The following ATP8A2 variants were observed in gnomAD, a reference collection of about 807,000 sequenced individuals.
ATP8A2 encodes the protein ATPase phospholipid transporting 8A2.
A neutral mutation model predicts 165.6 loss-of-function variants in ATP8A2; 100 were observed. The ratio of observed to expected loss-of-function variants is 0.60; its 90% CI spans 0.51 to 0.71. The LOEUF (loss-of-function observed/expected upper bound fraction) is 0.71. Among genes scored for constraint, ATP8A2 ranks in the 30% least tolerant of loss-of-function variants. The pLI is 0.00. For synonymous variants in ATP8A2, 543 were observed against 548.8 expected, an observed-to-expected ratio of 0.99 and a Z score of 0.15; for missense variants, 1,227 against 1,479.5, an observed-to-expected ratio of 0.83 and a Z score of 2.80.
Position 25,494,469 on chromosome 13 carries a change from G to C in ATP8A2, c.221+25348G>C, listed in dbSNP as rs144437179. Among the ~76,000 whole-genome samples, 431 of 152,240 alleles carry C rather than the reference G, an allele frequency of 2.8e-3. 3 individuals are homozygous for C. Among genetic ancestry groups the C allele is most frequent in the African/African-American group, 9.8e-3 (406 of 41,544 alleles). ...TGGGAACAAAGCCATGCTGCAAAGG[G>C]TATGAAAGCCTGTTTGGCAGGGATG... On this transcript the variant is annotated intron_variant, in intron 2 of 36. Transcript: ENST00000381655.
chr13:25,984,462 A>AGT (rs1315502027), intron 35 of ATP8A2, among the ~76,000 whole-genome samples: 3 of 150,686 alleles, frequency 2.0e-5, no homozygotes, highest in African/African-American at 7.3e-5. Flanking sequence ...AAATTAGCCA[A>AGT]GTGTGGTGGT....
chr13:25,450,663 C>T (rs1468225451), intron 1 of ATP8A2, among the ~76,000 whole-genome samples: 1 of 152,122 alleles, frequency 6.6e-6, no homozygotes, highest in African/African-American at 2.4e-5. Flanking sequence ...TCCCGAGTAG[C>T]TGGGACTACA....
intron 24 of ATP8A2, among the ~76,000 whole-genome samples, chr13:25,668,796 T>G (rs137940252): frequency 6.6e-6 from 1 of 152,286 alleles, no homozygotes; most frequent in East Asian, 1.9e-4. Flanking sequence ...TGCTGAGTCT[T>G]TCTTCTGCCT....
chr13:25,773,236 T>A (rs1430292400), intron 26 of ATP8A2, among the ~76,000 whole-genome samples: 1 of 151,940 alleles, frequency 6.6e-6, no homozygotes, highest in African/African-American at 2.4e-5. Flanking sequence ...GGCATTAAGG[T>A]TTTCATGCAA....
At chr13:25,915,321 T>C (rs1417457694) in intron 33 of ATP8A2, among the ~76,000 whole-genome samples, 3 of 152,112 alleles carry the variant, frequency 2.0e-5, no homozygotes. Flanking sequence ...ATTTAAAAGA[T>C]TGTCATTTAA....
intron 2 of ATP8A2, among the ~76,000 whole-genome samples, chr13:25,499,569 A>G (rs2036786547): frequency 6.6e-6 from 1 of 152,170 alleles, no homozygotes; most frequent in African/African-American, 2.4e-5. Context: ...TTAAAGGTCA[A>G]TTGCCTGACA....
At chr13:25,824,079 T>G (rs920353036) in intron 27 of ATP8A2, among the ~76,000 whole-genome samples, 2 of 152,176 alleles carry the variant, frequency 1.3e-5, no homozygotes, top group Admixed American at 6.5e-5. Flanking sequence ...CAAGTGATTC[T>G]CCTGCCTCAG....
chr13:25,648,907 A>T, intron 24 of ATP8A2: 1 of 432,550 alleles, frequency 2.3e-6, no homozygotes. Flanking sequence ...GGAACCCATG[A>T]ATATGGCGGG....
intron 33 of ATP8A2, among the ~76,000 whole-genome samples, chr13:25,931,338 C>G (rs950320691): frequency 1.3e-5 from 2 of 152,190 alleles, no homozygotes; most frequent in Non-Finnish European, 2.9e-5. Context: ...GATGTATATG[C>G]AATTATTCCA....
rs200852097 is a variant in ATP8A2, at chr13:25,851,582, C to CA, written c.2957-8597dup. 8.9e-3 allele frequency among the ~76,000 whole-genome samples: 966 copies of CA among 108,934 alleles called. 9 individuals are homozygous for CA. Among genetic ancestry groups the CA allele is most frequent in the Middle Eastern group, 0.022 (4 of 182 alleles). The allele number at this position is 108,934 out of a possible 152,430, so 71.5% of individuals were successfully genotyped here. A position where few individuals can be genotyped will look rare whatever the true frequency, so the allele number is the denominator to read the frequency against. Reference sequence around the variant, plus strand: ...TGGGTGACAGAGTGTGACTCTGTCTCAAAAAAAAAAAAAAAATTAATGCAT... The same window carrying CA: ...TGGGTGACAGAGTGTGACTCTGTCTCAAAAAAAAAAAAAAAAATTAATGCAT... On this transcript the variant is annotated intron_variant, in intron 30 of 36. Transcript: ENST00000381655.
chr13:26,001,215 A>G (rs1044606913), intron 35 of ATP8A2, among the ~76,000 whole-genome samples: 5 of 152,206 alleles, frequency 3.3e-5, no homozygotes, highest in Admixed American at 2.0e-4. Context: ...CATCTGTACC[A>G]TATTTCTTTA....
At chr13:25,483,669 G>T (rs952437729) in intron 2 of ATP8A2, among the ~76,000 whole-genome samples, 1 of 152,324 alleles carries the variant, frequency 6.6e-6, no homozygotes, top group African/African-American at 2.4e-5. Context: ...GGGAGGCCAA[G>T]GCAGGAAGAT....
rs1177685938 is a variant in ATP8A2, at chr13:25,663,546, G to A, written c.2212-35627G>A. Among the ~76,000 whole-genome samples, 4 of 151,872 alleles carry A rather than the reference G, an allele frequency of 2.6e-5. No homozygotes were observed. The East Asian group carries it at 7.9e-4, about 30-fold the overall frequency. The stretch of plus-strand genomic sequence containing the variant: ...GCCACTGAGGTGCATTGGGCCACTG[G>A]CTTTTATCCCATGATTGTAGAGTTG... On this transcript the variant is annotated intron_variant, in intron 24 of 36. Coordinates refer to ENST00000381655, the MANE Select transcript of ATP8A2 (RefSeq NM_016529.6).
chr13:25,883,111 G>A (rs1224379813), intron 33 of ATP8A2, among the ~76,000 whole-genome samples: 2 of 152,108 alleles, frequency 1.3e-5, no homozygotes, highest in Non-Finnish European at 2.9e-5. Flanking sequence ...GCCAGGAGTG[G>A]GGCTGGGCTC....
chr13:25,515,731 T>C (rs555926282), intron 2 of ATP8A2, among the ~76,000 whole-genome samples: 9 of 152,222 alleles, frequency 5.9e-5, no homozygotes, highest in Non-Finnish European at 1.3e-4. Context: ...ATTGTCAGTC[T>C]GAAGCTAGGC....
chr13:25,561,362 T>C (rs113698322), intron 15 of ATP8A2, among the ~76,000 whole-genome samples: 2,490 of 152,306 alleles, frequency 0.016, 68 homozygotes, highest in African/African-American at 0.057. Context: ...TGTCTCATTT[T>C]CCATAGATTT....
At chr13:25,874,239 C>A (rs1181194273) in intron 33 of ATP8A2, among the ~76,000 whole-genome samples, 1 of 152,186 alleles carries the variant, frequency 6.6e-6, no homozygotes, top group African/African-American at 2.4e-5. Context: ...ACACTGGTGG[C>A]TTCCCACTTC....
intron 33 of ATP8A2, among the ~76,000 whole-genome samples, chr13:25,895,987 C>A (rs1953533221): frequency 6.6e-6 from 1 of 152,070 alleles, no homozygotes; most frequent in East Asian, 1.9e-4. Flanking sequence ...AAAACCAGCT[C>A]CTGGATTCAT....
In ATP8A2 at chr13:26,021,097, C is replaced by T. The variant is rs1419639160; in HGVS notation, c.*1112C>T. 1 of 152,270 alleles carries T rather than the reference C, an allele frequency of 6.6e-6. No individual in the cohort carries two copies. Among genetic ancestry groups the T allele is most frequent in the Non-Finnish European group, 1.5e-5 (1 of 68,068 alleles). The allele number at this position is 152,270 out of a possible 1,614,324, so 9.4% of individuals were successfully genotyped here. ...ATAACATGCCTGCACAGCGAAGGAA[C>T]ACACCTGTCGCTCTTAGCTCTAGAG... On this transcript the variant is annotated 3_prime_UTR_variant, in exon 37 of 37. Coordinates refer to ENST00000381655, the MANE Select transcript of ATP8A2 (RefSeq NM_016529.6).
Sources: gnomAD v4.1 joint callset for allele counts (sites outside exome capture counted in the v4.1 genomes callset) on GRCh38, gnomAD v4.1.1 for gene constraint, MANE v1.5 for transcripts, NCBI Gene and HGNC (gene_info 2026-07-23, HGNC 2026-07-21) for gene names.